Variants in ADAMTS15 observed in about 807,000 individuals in gnomAD.
The protein encoded by ADAMTS15 is ADAM metallopeptidase with thrombospondin type 1 motif 15, also known as A disintegrin and metalloproteinase with thrombospondin motifs 15.
ADAMTS15 carries 35 observed loss-of-function variants against 79.1 expected under a neutral mutation model. The observed-to-expected ratio is 0.44, with a 90% CI of 0.34 to 0.59. ADAMTS15 has a LOEUF of 0.59. ADAMTS15 is among the 20% of genes least tolerant of loss of function. The probability of loss-of-function intolerance (pLI) is 0.02; values close to 1 mark genes in which losing one functional copy is unlikely to be tolerated. For synonymous variants in ADAMTS15, 616 were observed against 567.3 expected (o/e 1.09, Z -1.22); for missense variants, 1,324 against 1,318.7 (o/e 1.00, Z -0.06).
rs1938587931 is a variant in ADAMTS15, at chr11:130,476,408, T to C, written c.*2587T>C. ...GGGGTCTGGCAGGAGCTGATGACAG[T>C]TTGAGGGACTTGAGTGTCCCTAGCC... On this transcript the variant is annotated 3_prime_UTR_variant, in exon 8 of 8. Coordinates refer to ENST00000299164, the MANE Select transcript of ADAMTS15 (RefSeq NM_139055.4). 6.6e-6 allele frequency: 1 copy of C among 152,148 alleles called. No individual in the cohort carries two copies. Among genetic ancestry groups the C allele is most frequent in the Non-Finnish European group, 1.5e-5 (1 of 68,094 alleles). The allele number at this position is 152,148 out of a possible 1,614,324, so 9.4% of individuals were successfully genotyped here. A position where few individuals can be genotyped will look rare whatever the true frequency, so the allele number is the denominator to read the frequency against.
intron 4 of ADAMTS15, among the ~76,000 whole-genome samples, chr11:130,464,859 C>T (rs139325856): frequency 0.02 from 3,031 of 151,416 alleles, 105 homozygotes; most frequent in African/African-American, 0.07. Context: ...TCCAGCTACT[C>T]AGGAGGCTGA....
In ADAMTS15 at chr11:130,472,186, T is replaced by C. The variant is rs1236182127; in HGVS notation, c.2078+803T>C. Among the ~76,000 whole-genome samples, 2 of 152,004 alleles carry C rather than the reference T, an allele frequency of 1.3e-5. No individual in the cohort carries two copies. The highest frequency in any genetic ancestry group is 2.9e-5 in the Non-Finnish European group (2 of 67,980). On this transcript the variant is annotated intron_variant, in intron 7 of 7. Coordinates refer to ENST00000299164, the MANE Select transcript of ADAMTS15 (RefSeq NM_139055.4). The surrounding 1 kb of genome is among the most constrained non-coding windows in gnomAD (Gnocchi z 4.7). ...TGGAGGCTATGGTTGGCCTAGAAAA[T>C]TTGGGAGCCCAGGTGCTGGTGATGG... is the stretch of plus-strand genomic sequence containing the variant.
chr11:130,452,031 A>C (rs1400379580), intron 1 of ADAMTS15, among the ~76,000 whole-genome samples: 2 of 152,166 alleles, frequency 1.3e-5, no homozygotes, highest in Non-Finnish European at 2.9e-5. Flanking sequence ...TATGTACTTT[A>C]TGCTTCAGAG....
chr11:130,471,446 G>A (rs1329438174), intron 7 of ADAMTS15, 63 bp downstream of exon 7: 2 of 1,555,834 alleles, frequency 1.3e-6, no homozygotes, highest in Non-Finnish European at 1.7e-6. Context: ...GTTTCCCAGG[G>A]TATTGGAAGC....
rs1281455253 is a variant in ADAMTS15 at position 130,470,184 on chromosome 11, G to GTATATATATATATATATATATATATATA, written c.1721-735_1721-734insATATATATATATATATATATATATATAT. 1.7e-3 allele frequency among the ~76,000 whole-genome samples: 84 copies of GTATATATATATATATATATATATATATA among 50,164 alleles called. 4 individuals are homozygous for GTATATATATATATATATATATATATATA. Among genetic ancestry groups the GTATATATATATATATATATATATATATA allele is most frequent in the Non-Finnish European group, 2.5e-3 (66 of 26,618 alleles). 32.9% of individuals were successfully genotyped at this position (50,164 alleles called of 152,430 possible). A position where few individuals can be genotyped will look rare whatever the true frequency, so the allele number is the denominator to read the frequency against. On this transcript the variant is annotated intron_variant, in intron 5 of 7. Transcript: ENST00000299164. ...TATATATATATATATATATATATGT[G>GTATATATATATATATATATATATATATA]TGTATATATATATATATATATATAT...
intron 4 of ADAMTS15, among the ~76,000 whole-genome samples, chr11:130,466,739 C>T (rs1004352430): frequency 6.6e-6 from 1 of 152,196 alleles, no homozygotes; most frequent in East Asian, 1.9e-4. Context: ...CTGCTCAGCA[C>T]CCTTTAGGGG....
At chr11:130,471,148 G>A (rs376061459) in intron 6 of ADAMTS15, 47 bp downstream of exon 6, 106 of 1,593,410 alleles carry the variant, frequency 6.7e-5, no homozygotes, top group African/African-American at 1.7e-4. Flanking sequence ...CAGGTCTTCC[G>A]GGGAGCATCA....
chr11:130,464,543 A>G (rs531810610), intron 4 of ADAMTS15, among the ~76,000 whole-genome samples: 9 of 152,172 alleles, frequency 5.9e-5, no homozygotes, highest in African/African-American at 2.2e-4. Context: ...CAATTCCTCA[A>G]TCCCATCTGG....
At chr11:130,451,442 C>T (rs573019393) in intron 1 of ADAMTS15, among the ~76,000 whole-genome samples, 7 of 152,324 alleles carry the variant, frequency 4.6e-5, no homozygotes, top group African/African-American at 1.4e-4. Context: ...TCCTTGTGCT[C>T]ATTCTTCCAA....
intron 4 of ADAMTS15, 23 bp from the exon 5 acceptor site, chr11:130,469,239 A>G (rs997672947): frequency 5.1e-6 from 7 of 1,378,152 alleles, no homozygotes; most frequent in Non-Finnish European, 6.6e-6. Context: ...CCACCAAGGA[A>G]TATAACAGGC....
At chr11:130,460,803 A>C (rs965920400) in intron 1 of ADAMTS15, among the ~76,000 whole-genome samples, 5 of 152,180 alleles carry the variant, frequency 3.3e-5, no homozygotes, top group African/African-American at 1.2e-4. Flanking sequence ...GTTAAGCTTC[A>C]GTACAAAACG....
Position 130,449,323 on chromosome 11 carries a change from T to C in ADAMTS15, c.350T>C (p.Val117Ala). The C allele has an allele frequency of 6.2e-7, 1 of 1,610,052 alleles. No homozygotes were observed. Among genetic ancestry groups the C allele is most frequent in the Non-Finnish European group, 8.5e-7 (1 of 1,180,008 alleles). ...VNAEPDSFAA[V>A]SLCGGLRGAF... ...GCCGAGCCGGACTCGTTCGCTGCTG[T>C]GAGCCTGTGCGGGGGGCTCCGCGGA... The change falls in exon 1 of 8, where the codon GTG becomes GCG. Residue 117 changes from valine (V) to alanine (A), a missense_variant. By Grantham distance (64) the Val-to-Ala change is moderately conservative. Coordinates refer to ENST00000299164, the MANE Select transcript of ADAMTS15 (RefSeq NM_139055.4). The surrounding 1 kb of genome is among the most constrained non-coding windows in gnomAD (Gnocchi z 7.8).
chr11:130,470,198 A>ATATATATG (rs1938419581), intron 5 of ADAMTS15, among the ~76,000 whole-genome samples: 1 of 50,926 alleles, frequency 2.0e-5, no homozygotes, highest in Non-Finnish European at 4.3e-5. Flanking sequence ...ATATATATAT[A>ATATATATG]TATATATATA....
At chr11:130,452,718 C>T (rs1425600824) in intron 1 of ADAMTS15, among the ~76,000 whole-genome samples, 2 of 152,220 alleles carry the variant, frequency 1.3e-5, no homozygotes, top group Non-Finnish European at 2.9e-5. Context: ...CGCAGTGGCT[C>T]ACGCCTGTAA....
At chr11:130,471,899 C>A (rs984645592) in intron 7 of ADAMTS15, among the ~76,000 whole-genome samples, 3 of 152,254 alleles carry the variant, frequency 2.0e-5, no homozygotes, top group African/African-American at 4.8e-5. Context: ...CAGCTGCCAG[C>A]CTCTCCCTGG....
At chr11:130,468,501 C>G (rs1056401639) in intron 4 of ADAMTS15, among the ~76,000 whole-genome samples, 1 of 151,886 alleles carries the variant, frequency 6.6e-6, no homozygotes, top group African/African-American at 2.4e-5. Context: ...CGCGGTGGCT[C>G]AAGCCTGTAA....
At chr11:130,459,910 C>T (rs1938163984) in intron 1 of ADAMTS15, among the ~76,000 whole-genome samples, 1 of 152,238 alleles carries the variant, frequency 6.6e-6, no homozygotes, top group Admixed American at 6.5e-5. Context: ...CCAGCATGTA[C>T]ACAGATGCAC....
chr11:130,449,228 C>T lies in ADAMTS15; in HGVS notation c.255C>T (p.Gly85=), dbSNP rs775783227. 13 of 1,613,756 alleles carry T rather than the reference C, an allele frequency of 8.1e-6. No individual in the cohort carries two copies. In the East Asian group the frequency reaches 1.8e-4, roughly 22 times the overall value. The change falls in exon 1 of 8, where the codon GGC becomes GGT. Residue 85 remains glycine, a synonymous_variant. Coordinates refer to ENST00000299164, the MANE Select transcript of ADAMTS15 (RefSeq NM_139055.4). This position sits in a 1 kb window ranked among gnomAD's most constrained non-coding sequence, Gnocchi z 7.8. ...CCGCCTTCTCCACTGAGCATCTGGG[C>T]GTCCCCCTCCAGGGGCTCACCGGGG... The part of the protein sequence containing the change: ...LAPAFSTEHL[G]VPLQGLTGGS...
chr11:130,464,640 A>G (rs1047388563), intron 4 of ADAMTS15, among the ~76,000 whole-genome samples: 3 of 152,258 alleles, frequency 2.0e-5, no homozygotes, highest in African/African-American at 7.2e-5. Flanking sequence ...CAGTGAGAAA[A>G]ACATGCAATT....
Sources: gnomAD v4.1 joint callset for allele counts (sites outside exome capture counted in the v4.1 genomes callset) on GRCh38, gnomAD v4.1.1 for gene constraint, Gnocchi (gnomAD v3.1) non-coding constraint, MANE v1.5 for transcripts, NCBI Gene and HGNC (gene_info 2026-07-23, HGNC 2026-07-21) for gene names.